The following HYCC2 variants were observed in gnomAD, a reference collection of about 807,000 sequenced individuals.
HYCC2 encodes hyccin PI4KA lipid kinase complex subunit 2.
chr2:200,990,822 C>T, the HYCC2 span, among the ~76,000 whole-genome samples: 15 of 152,200 alleles, frequency 9.9e-5, no homozygotes, highest in Admixed American at 1.3e-4. Context: ...ACACCCGCCT[C>T]GGCCTCCCGA....
the HYCC2 span, among the ~76,000 whole-genome samples, chr2:201,032,552 G>C: frequency 6.6e-6 from 1 of 151,942 alleles, no homozygotes; most frequent in Non-Finnish European, 1.5e-5. Flanking sequence ...TTTCTTCATA[G>C]AGGTCAACAC....
the HYCC2 span, among the ~76,000 whole-genome samples, chr2:201,057,857 T>C: frequency 3.9e-5 from 6 of 152,194 alleles, no homozygotes; most frequent in Admixed American, 3.9e-4. Context: ...CAGTATCTCG[T>C]TGTTCACTAT....
chr2:200,982,575 G>A, the HYCC2 span, among the ~76,000 whole-genome samples: 1 of 151,948 alleles, frequency 6.6e-6, no homozygotes, highest in Non-Finnish European at 1.5e-5. Context: ...AGAGAGCAGT[G>A]GTAGGGAACC....
the HYCC2 span, chr2:201,052,239 G>A: frequency 3.3e-5 from 5 of 153,046 alleles, no homozygotes; most frequent in African/African-American, 9.6e-5. Flanking sequence ...CGAGGCTGCA[G>A]TGAGCCGAGA....
At chr2:201,009,118 T>C in the HYCC2 span, 2 of 1,297,268 alleles carry the variant, frequency 1.5e-6, no homozygotes, top group Non-Finnish European at 2.2e-6. Flanking sequence ...TATGAGACAA[T>C]GTCTCTACCA....
the HYCC2 span, among the ~76,000 whole-genome samples, chr2:201,016,290 T>C: frequency 6.6e-6 from 1 of 152,208 alleles, no homozygotes; most frequent in Non-Finnish European, 1.5e-5. Context: ...GACATTTGAA[T>C]TGTTTTTTCT....
chr2:201,060,052 A>AGCG, the HYCC2 span, among the ~76,000 whole-genome samples: 1 of 46,784 alleles, frequency 2.1e-5, no homozygotes, highest in South Asian at 1.0e-3. Flanking sequence ...CTAAAAAAAA[A>AGCG]GCGGGGGGGG....
chr2:200,996,021 CTTT>C, the HYCC2 span: 1 of 135,000 alleles, frequency 7.4e-6, no homozygotes, highest in East Asian at 2.2e-4. Context: ...TTAAATTTTT[CTTT>C]TTTCTTTTTT....
chr2:200,991,107 T>C, the HYCC2 span, among the ~76,000 whole-genome samples: 1 of 152,250 alleles, frequency 6.6e-6, no homozygotes, highest in Admixed American at 6.5e-5. Flanking sequence ...TTAATTTGCT[T>C]ATTTGTATCA....
the HYCC2 span, among the ~76,000 whole-genome samples, chr2:201,007,209 A>G: frequency 6.6e-6 from 1 of 152,186 alleles, no homozygotes; most frequent in African/African-American, 2.4e-5. Flanking sequence ...TTCTCGACCT[A>G]TGATGGAATT....
the HYCC2 span, among the ~76,000 whole-genome samples, chr2:201,062,388 C>T: frequency 6.6e-6 from 1 of 152,048 alleles, no homozygotes; most frequent in Non-Finnish European, 1.5e-5. Context: ...GTGGCTCACA[C>T]CTGTAATCCC....
At chr2:201,036,655 T>A in the HYCC2 span, among the ~76,000 whole-genome samples, 2 of 152,180 alleles carry the variant, frequency 1.3e-5, no homozygotes, top group Non-Finnish European at 2.9e-5. Context: ...CACATGATTA[T>A]CTCAATAGAT....
At chr2:201,050,645 T>C in the HYCC2 span, among the ~76,000 whole-genome samples, 3 of 150,116 alleles carry the variant, frequency 2.0e-5, no homozygotes, top group Non-Finnish European at 4.4e-5. Context: ...TTAAGAACCA[T>C]TATAATAGCC....
At chr2:201,022,104 GGAGGCTGT>G in the HYCC2 span, 1 of 1,289,514 alleles carries the variant, frequency 7.8e-7, no homozygotes, top group Non-Finnish European at 1.0e-6. Flanking sequence ...AGGCACTCTT[GGAGGCTGT>G]ATCTGGGAAG....
chr2:201,038,009 T>C, the HYCC2 span, among the ~76,000 whole-genome samples: 7 of 152,192 alleles, frequency 4.6e-5, no homozygotes, highest in African/African-American at 1.7e-4. Flanking sequence ...AAAGGGCTAA[T>C]ATCCAGAATC....
the HYCC2 span, among the ~76,000 whole-genome samples, chr2:201,055,807 T>C: frequency 3.3e-5 from 5 of 152,176 alleles, no homozygotes; most frequent in African/African-American, 1.2e-4. Context: ...ATGCCTGTAA[T>C]CCTAGCTACT....
the HYCC2 span, among the ~76,000 whole-genome samples, chr2:201,014,415 T>A: frequency 2.0e-5 from 3 of 152,216 alleles, no homozygotes; most frequent in African/African-American, 7.2e-5. Flanking sequence ...TTCATTTTTT[T>A]AAACCCACTT....
chr2:200,975,282 A>G, the HYCC2 span: 1 of 152,028 alleles, frequency 6.6e-6, no homozygotes, highest in African/African-American at 2.4e-5. Context: ...TTTAAAAATT[A>G]TATTTGGTAG....
chr2:200,995,186 G>A, the HYCC2 span, among the ~76,000 whole-genome samples: 1 of 152,086 alleles, frequency 6.6e-6, no homozygotes, highest in African/African-American at 2.4e-5. Context: ...TGTTAATCAT[G>A]GTATTACAGT....
Sources: allele counts gnomAD v4.1 joint callset (sites outside exome capture counted in the v4.1 genomes callset), GRCh38; gene constraint gnomAD v4.1.1; transcripts MANE v1.5; gene names NCBI Gene and HGNC (gene_info 2026-07-23, HGNC 2026-07-21).